Variants in PTPRO observed in about 807,000 individuals in gnomAD.
The protein encoded by PTPRO is protein tyrosine phosphatase receptor type O.
Under a neutral mutation model 145.2 loss-of-function variants are expected in PTPRO, and 62 were observed. That is an observed-to-expected ratio of 0.43 (90% CI 0.35 to 0.53). The LOEUF is 0.53. Ranked by LOEUF, PTPRO falls within the 20% of genes least tolerant of loss-of-function variation. PTPRO has a pLI of 0.01. For missense variants in PTPRO, 1,345 were observed against 1,482.7 expected (o/e 0.91, Z 1.53); for synonymous variants, 565 against 514.7 (o/e 1.10, Z -1.32).
At chr12:15,588,876 A>T (rs1391579183) in intron 24 of PTPRO, among the ~76,000 whole-genome samples, 1 of 152,222 alleles carries the variant, frequency 6.6e-6, no homozygotes, top group African/African-American at 2.4e-5. Context: ...AGACCCCGAT[A>T]AAGGGTGTGG....
At chr12:15,462,402 A>T (rs914761504) in intron 1 of PTPRO, among the ~76,000 whole-genome samples, 5 of 152,186 alleles carry the variant, frequency 3.3e-5, no homozygotes, top group Non-Finnish European at 7.4e-5. Context: ...CTGGGATTGT[A>T]GGTGTGAGCC....
chr12:15,432,697 G>T (rs1940477641), intron 1 of PTPRO, among the ~76,000 whole-genome samples: 1 of 152,170 alleles, frequency 6.6e-6, no homozygotes, highest in East Asian at 1.9e-4. Context: ...ATAGCCTTCT[G>T]ACTGGTGTGA....
Position 15,521,819 on chromosome 12 carries a change from A to G in PTPRO, c.1891+1507A>G, listed in dbSNP as rs567287553. ...TAATAGGATTTGGCTTCCTGGCTCA[A>G]GTGGTTTAAGGTATGCCTTTCAAGA... On this transcript the variant is annotated intron_variant, in intron 10 of 26. Coordinates refer to ENST00000281171, the MANE Select transcript of PTPRO (RefSeq NM_030667.3). 2.0e-5 allele frequency among the ~76,000 whole-genome samples: 3 copies of G among 152,274 alleles called. No individual in the cohort carries two copies. In the South Asian group the frequency reaches 6.2e-4, roughly 32 times the overall value.
chr12:15,372,741 C>T (rs970173377), intron 1 of PTPRO, among the ~76,000 whole-genome samples: 1 of 152,052 alleles, frequency 6.6e-6, no homozygotes, highest in Non-Finnish European at 1.5e-5. Flanking sequence ...CTCTATTGGC[C>T]TGTGAATTGA....
intron 1 of PTPRO, among the ~76,000 whole-genome samples, chr12:15,396,205 T>C (rs1294269474): frequency 3.3e-5 from 5 of 152,196 alleles, no homozygotes; most frequent in Admixed American, 3.3e-4. Flanking sequence ...TGTGAATTCA[T>C]ACAGAAATAC....
At chr12:15,408,752 GT>G (rs1939714582) in intron 1 of PTPRO, among the ~76,000 whole-genome samples, 1 of 152,042 alleles carries the variant, frequency 6.6e-6, no homozygotes, top group South Asian at 2.1e-4. Context: ...CTGTGTCAAT[GT>G]TTTCACAAAC....
intron 9 of PTPRO, among the ~76,000 whole-genome samples, chr12:15,517,593 G>A (rs1393262821): frequency 6.6e-6 from 1 of 152,124 alleles, no homozygotes; most frequent in Non-Finnish European, 1.5e-5. Flanking sequence ...AAAATCAAAA[G>A]CAAGTTAGTT....
rs1207021383 is a variant in PTPRO at position 15,499,477 on chromosome 12, C to T, written c.544C>T (p.Leu182=). The T allele has an allele frequency of 1.9e-6, 3 of 1,613,522 alleles. No individual in the cohort carries two copies. The South Asian group carries it at 3.3e-5, about 18-fold the overall frequency. The change falls in exon 4 of 27, where the codon CTG becomes TTG. Residue 182 remains leucine (L), a synonymous_variant. Coordinates refer to ENST00000281171, the MANE Select transcript of PTPRO (RefSeq NM_030667.3). Reference sequence around the variant, plus strand: ...GGGAAAAACAGTATTTAATCACTGGCTGCCAGGAATGTGTTATAGTAATAT... The same window carrying T: ...GGGAAAAACAGTATTTAATCACTGGTTGCCAGGAATGTGTTATAGTAATAT... ...FKGKTVFNHW[L]PGMCYSNITF... is the part of the protein sequence containing the mutation.
intron 1 of PTPRO, among the ~76,000 whole-genome samples, chr12:15,394,288 A>G (rs968318868): frequency 3.1e-4 from 47 of 152,102 alleles, no homozygotes; most frequent in Admixed American, 5.2e-4. Context: ...GAGATTTAAC[A>G]TAGCTCTGAG....
chr12:15,335,800 G>C (rs144947759), intron 1 of PTPRO, among the ~76,000 whole-genome samples: 55 of 152,062 alleles, frequency 3.6e-4, no homozygotes, highest in African/African-American at 7.5e-4. Context: ...AAATACAGTT[G>C]CATCTTTAAA....
Position 15,526,272 on chromosome 12 carries a change from G to A in PTPRO, c.2164+10G>A, listed in dbSNP as rs1591687373. 1 of 1,613,642 alleles carries A rather than the reference G, an allele frequency of 6.2e-7. No individual in the cohort carries two copies. Among genetic ancestry groups the A allele is most frequent in the Non-Finnish European group, 8.5e-7 (1 of 1,179,722 alleles). The stretch of plus-strand genomic sequence containing the variant: ...CGCCTTGTCAAGCTAGGTAAGAAGA[G>A]TGCACAGAGATGGGTGTGAAATAAT... On this transcript the variant is annotated intron_variant, in intron 12 of 26. Transcript: ENST00000281171.
At chr12:15,446,650 T>A (rs908334225) in intron 1 of PTPRO, among the ~76,000 whole-genome samples, 3 of 151,840 alleles carry the variant, frequency 2.0e-5, no homozygotes, top group Non-Finnish European at 4.4e-5. Context: ...ATTTTTAACA[T>A]ATAGTAAGCA....
intron 7 of PTPRO, 108 bp downstream of exon 7, chr12:15,508,875 TG>T: frequency 1.7e-6 from 2 of 1,149,742 alleles, no homozygotes; most frequent in Non-Finnish European, 2.5e-6. Context: ...TCTGCTGGGA[TG>T]GGTGTGTTCT....
chr12:15,405,164 C>G (rs140131623), intron 1 of PTPRO, among the ~76,000 whole-genome samples: 1 of 152,260 alleles, frequency 6.6e-6, no homozygotes, highest in African/African-American at 2.4e-5. Context: ...TAGTCCATAG[C>G]AGATAGTTAA....
chr12:15,346,533 A>G (rs1867219895), intron 1 of PTPRO: 1 of 152,216 alleles, frequency 6.6e-6, no homozygotes, highest in Non-Finnish European at 1.5e-5. Flanking sequence ...ACAATCCAAC[A>G]TAATATTGAC....
chr12:15,450,223 G>A (rs1308344979), intron 1 of PTPRO, among the ~76,000 whole-genome samples: 1 of 152,140 alleles, frequency 6.6e-6, no homozygotes, highest in African/African-American at 2.4e-5. Flanking sequence ...AATTACAAAA[G>A]CAATATTCCT....
chr12:15,424,283 A>T (rs984649030), intron 1 of PTPRO, among the ~76,000 whole-genome samples: 1 of 152,172 alleles, frequency 6.6e-6, no homozygotes, highest in Non-Finnish European at 1.5e-5. Flanking sequence ...TGGAGTAAAA[A>T]GATGGAAATT....
At chr12:15,595,771 AG>A (rs1944647234) in intron 26 of PTPRO, 1 of 153,330 alleles carries the variant, frequency 6.5e-6, no homozygotes, top group Non-Finnish European at 1.5e-5. Flanking sequence ...GCATGATGGG[AG>A]AATCATGAAA....
chr12:15,591,966 G>A (rs906297708), intron 25 of PTPRO, among the ~76,000 whole-genome samples: 1 of 152,146 alleles, frequency 6.6e-6, no homozygotes, highest in African/African-American at 2.4e-5. Context: ...GGAGTTCAAA[G>A]TCAGCAAAGG....
Sources: allele counts gnomAD v4.1 joint callset (sites outside exome capture counted in the v4.1 genomes callset), GRCh38; gene constraint gnomAD v4.1.1; transcripts MANE v1.5; gene names NCBI Gene and HGNC (gene_info 2026-07-23, HGNC 2026-07-21).